The following ARSF variants were observed in gnomAD, a reference collection of about 807,000 sequenced individuals.
ARSF encodes arylsulfatase F.
A neutral mutation model predicts 35.4 loss-of-function variants in ARSF; 33 were observed. The observed-to-expected ratio is 0.93, with a 90% CI of 0.71 to 1.25. The LOEUF (loss-of-function observed/expected upper bound fraction) is 1.25, where lower values mean the gene tolerates loss of function less well. Among genes scored for constraint, ARSF ranks in the 50% most tolerant of loss-of-function variants. ARSF has a pLI of 0.00. For synonymous variants in ARSF, 222 were observed against 193.1 expected (o/e 1.15, Z -1.24); for missense variants, 501 against 480.2 (o/e 1.04, Z -0.40).
chrX:3,105,201 A>G (rs1348691554), intron 9 of ARSF, among the ~76,000 whole-genome samples: 1 of 112,446 alleles, frequency 8.9e-6, no homozygotes, highest in Non-Finnish European at 1.9e-5. Flanking sequence ...TACAGAAAAG[A>G]AAAATATTTT....
intron 10 of ARSF, 125 bp from the exon 11 acceptor site, chrX:3,112,049 A>G: frequency 3.9e-6 from 2 of 512,160 alleles, no homozygotes; most frequent in East Asian, 7.2e-5. Flanking sequence ...GGTTCTTAAC[A>G]GGCCACGAAC....
In ARSF at chrX:3,089,370, G is replaced by A. The variant is rs2090271698; in HGVS notation, c.831-126G>A. On this transcript the variant is annotated intron_variant, in intron 6 of 10. Transcript: ENST00000381127. Reference sequence around the variant, plus strand: ...CTATGCAGGATGGGGCCCTTGGGTGGACCCACTCTATCTTCTGCAGCTTGG... The same window carrying A: ...CTATGCAGGATGGGGCCCTTGGGTGAACCCACTCTATCTTCTGCAGCTTGG... 1.0e-5 allele frequency: 8 copies of A among 797,681 alleles called. No homozygotes were observed. In the South Asian group the frequency reaches 1.9e-4, roughly 19 times the overall value. The allele number at this position is 797,681 out of a possible 1,213,427, so 65.7% of individuals were successfully genotyped here.
At chrX:3,045,396 A>C (rs887326344) in intron 1 of ARSF, among the ~76,000 whole-genome samples, 18 of 111,411 alleles carry the variant, frequency 1.6e-4, no homozygotes, top group African/African-American at 5.9e-4. Context: ...TTCTTTGCTG[A>C]AATGCAGCAA....
At chrX:3,086,956 G>T (rs994205056) in intron 6 of ARSF, among the ~76,000 whole-genome samples, 2 of 111,963 alleles carry the variant, frequency 1.8e-5, no homozygotes, top group Non-Finnish European at 3.8e-5. Flanking sequence ...TACTTCTAGG[G>T]GTTCTAGGGG....
intron 1 of ARSF, among the ~76,000 whole-genome samples, chrX:3,065,267 A>G (rs982479239): frequency 7.3e-5 from 6 of 82,364 alleles, no homozygotes; most frequent in African/African-American, 2.9e-4. Flanking sequence ...GGGGGACATC[A>G]CACACCGGGC....
At chrX:3,050,368 A>T (rs1332884033) in intron 1 of ARSF, among the ~76,000 whole-genome samples, 2 of 107,502 alleles carry the variant, frequency 1.9e-5, no homozygotes, top group Non-Finnish European at 3.8e-5. Flanking sequence ...ACATGGTGAA[A>T]CCCCGTCTCT....
At chrX:3,092,177 ATAC>A (rs2090297592) in intron 7 of ARSF, among the ~76,000 whole-genome samples, 3 of 91,938 alleles carry the variant, frequency 3.3e-5, no homozygotes, top group Non-Finnish European at 6.8e-5. Context: ...TGATAGATAG[ATAC>A]ATACATACAT....
upstream of ARSF, among the ~76,000 whole-genome samples, chrX:3,040,506 C>A (rs1387091833): frequency 3.6e-5 from 4 of 111,384 alleles, no homozygotes; most frequent in Non-Finnish European, 7.5e-5. Flanking sequence ...TGCCCTTTTC[C>A]CCCCAAATTA....
At chrX:3,049,643 T>C (rs1363380304) in intron 1 of ARSF, among the ~76,000 whole-genome samples, 1 of 111,550 alleles carries the variant, frequency 9.0e-6, no homozygotes, top group Non-Finnish European at 1.9e-5. Context: ...TTTGTTTTTG[T>C]CTCCATAGCT....
intron 1 of ARSF, among the ~76,000 whole-genome samples, chrX:3,058,003 T>C (rs189179684): frequency 3.6e-5 from 4 of 111,973 alleles, no homozygotes; most frequent in African/African-American, 9.7e-5. Flanking sequence ...TAGGACTGTC[T>C]TTGACTTACA....
intron 1 of ARSF, among the ~76,000 whole-genome samples, chrX:3,049,340 G>T (rs1402592772): frequency 2.7e-5 from 3 of 110,180 alleles, no homozygotes; most frequent in Non-Finnish European, 3.8e-5. Context: ...ACGGAGGTTG[G>T]GGGGTGGGGG....
At chrX:3,093,019 ACAC>A (rs2090308529) in intron 7 of ARSF, among the ~76,000 whole-genome samples, 2 of 110,660 alleles carry the variant, frequency 1.8e-5, no homozygotes, top group Admixed American at 1.9e-4. Context: ...AAATATACAA[ACAC>A]ATCCGTGGTG....
chrX:3,100,849 C>T (rs1014441897), intron 7 of ARSF, among the ~76,000 whole-genome samples: 12 of 111,797 alleles, frequency 1.1e-4, no homozygotes. Context: ...CCCACTTCAG[C>T]CTCCCAAAGT....
At position 3,112,536 on chromosome X, in the gene ARSF, G is replaced by A; in HGVS notation, c.1753G>A (p.Gly585Ser). ...GGAAGAGGAAGTCTCTCAGCCTCGG[G>A]GTCCTAACGAGAAGAGATAATTACA... is the stretch of plus-strand genomic sequence containing the variant. ...DKEEEVSQPR[G>S]PNEKR is the part of the protein sequence containing the mutation. Residue 585 changes from glycine to serine, a missense_variant, in exon 11 of 11, where the codon GGT becomes AGT. Transcript: ENST00000381127. 3.3e-6 allele frequency: 4 copies of A among 1,203,814 alleles called. No homozygotes were observed. Among genetic ancestry groups the A allele is most frequent in the Non-Finnish European group, 4.5e-6 (4 of 893,008 alleles).
chrX:3,095,426 A>G (rs950489767), intron 7 of ARSF, among the ~76,000 whole-genome samples: 1 of 108,277 alleles, frequency 9.2e-6, no homozygotes, highest in African/African-American at 3.3e-5. Context: ...ATGTTCATAT[A>G]TAATATAAAC....
chrX:3,111,270 G>A (rs942992078), intron 10 of ARSF, among the ~76,000 whole-genome samples: 2 of 111,549 alleles, frequency 1.8e-5, no homozygotes, highest in African/African-American at 6.5e-5. Flanking sequence ...AAGATAAAAT[G>A]TAAGATTAAA....
intron 6 of ARSF, among the ~76,000 whole-genome samples, chrX:3,086,747 G>T (rs767078648): frequency 8.9e-6 from 1 of 111,809 alleles, no homozygotes; most frequent in East Asian, 2.8e-4. Context: ...GAGCCTGGGA[G>T]GTTGAGGCTG....
At chrX:3,094,496 G>A (rs2090326221) in intron 7 of ARSF, among the ~76,000 whole-genome samples, 1 of 112,477 alleles carries the variant, frequency 8.9e-6, no homozygotes, top group South Asian at 3.7e-4. Flanking sequence ...CCACCCAGGG[G>A]AAAATCTCTG....
At chrX:3,089,903 C>G (rs2090276700) in intron 7 of ARSF, among the ~76,000 whole-genome samples, 1 of 112,266 alleles carries the variant, frequency 8.9e-6, no homozygotes, top group Non-Finnish European at 1.9e-5. Flanking sequence ...GATAACAAAT[C>G]AAATCTTCTT....
Sources: gnomAD v4.1 joint callset for allele counts (sites outside exome capture counted in the v4.1 genomes callset) on GRCh38, gnomAD v4.1.1 for gene constraint, MANE v1.5 for transcripts, NCBI Gene and HGNC (gene_info 2026-07-23, HGNC 2026-07-21) for gene names.